The following ROBO2 variants were observed in gnomAD, a reference collection of about 807,000 sequenced individuals.
ROBO2 encodes the protein roundabout guidance receptor 2.
ROBO2 carries 53 observed loss-of-function variants against 160.8 expected under a neutral mutation model. That is an observed-to-expected ratio of 0.33 (90% CI 0.26 to 0.41). The LOEUF (loss-of-function observed/expected upper bound fraction) is 0.41. Ranked by LOEUF, ROBO2 falls within the 10% of genes least tolerant of loss-of-function variation. The probability of loss-of-function intolerance (pLI) is 1.00; values close to 1 mark genes in which losing one functional copy is unlikely to be tolerated. For synonymous variants in ROBO2, 664 were observed against 611.7 expected (o/e 1.09, Z -1.26); for missense variants, 1,577 against 1,722.4 (o/e 0.92, Z 1.49).
In ROBO2 at chr3:76,251,454, G is replaced by A. The variant is rs528344414; in HGVS notation, c.109+313852G>A. ...TAATATAAATCTACAGTTATATCCA[G>A]ATGGTGTGATGTCACAATTTGGATT... On this transcript the variant is annotated intron_variant, in intron 2 of 26. Coordinates refer to the ROBO2 transcript ENST00000487694. Among the ~76,000 whole-genome samples the A allele has an allele frequency of 5.3e-5, 8 of 152,202 alleles. No individual in the cohort carries two copies. The South Asian group carries it at 1.2e-3, about 24-fold the overall frequency.
At chr3:76,739,742 T>C (rs1447684077) in intron 2 of ROBO2, among the ~76,000 whole-genome samples, 1 of 152,182 alleles carries the variant, frequency 6.6e-6, no homozygotes, top group Non-Finnish European at 1.5e-5. Flanking sequence ...AGTTTGACTT[T>C]CATGACTTGA....
chr3:76,108,952 A>T (rs1003194805), intron 2 of ROBO2, among the ~76,000 whole-genome samples: 1 of 150,476 alleles, frequency 6.6e-6, no homozygotes, highest in African/African-American at 2.5e-5. Context: ...ATATAAGGTT[A>T]TATGATAATA....
intron 2 of ROBO2, among the ~76,000 whole-genome samples, chr3:76,555,350 T>G (rs3966897): frequency 0.92 from 131,396 of 142,226 alleles, 60,730 homozygotes; most frequent in East Asian, 0.99. Flanking sequence ...GGAGGAAGAG[T>G]AGGAAGAGAG....
chr3:76,497,836 C>T (rs936071404), intron 2 of ROBO2, among the ~76,000 whole-genome samples: 9 of 151,404 alleles, frequency 5.9e-5, no homozygotes, highest in Admixed American at 4.6e-4. Context: ...GCCAGCATTC[C>T]CAGCATTCCC....
intron 2 of ROBO2, among the ~76,000 whole-genome samples, chr3:77,352,190 A>G (rs2068443261): frequency 6.6e-6 from 1 of 151,686 alleles, no homozygotes; most frequent in Admixed American, 6.6e-5. Flanking sequence ...GCAAACCACT[A>G]CAGAAACACA....
intron 2 of ROBO2, among the ~76,000 whole-genome samples, chr3:76,398,727 A>G (rs2077631786): frequency 2.0e-5 from 3 of 151,912 alleles, no homozygotes; most frequent in South Asian, 4.1e-4. Context: ...AACTAAATAT[A>G]CTATTAAGTT....
intron 2 of ROBO2, among the ~76,000 whole-genome samples, chr3:77,111,466 ATGTT>A (rs2073568612): frequency 6.6e-6 from 1 of 152,170 alleles, no homozygotes; most frequent in South Asian, 2.1e-4. Flanking sequence ...AAGCATTTGA[ATGTT>A]TGTTTTTCTT....
chr3:76,023,915 G>A (rs1292476394), intron 2 of ROBO2, among the ~76,000 whole-genome samples: 2 of 151,282 alleles, frequency 1.3e-5, no homozygotes, highest in Non-Finnish European at 3.0e-5. Context: ...AAAAAAAGTG[G>A]AAGAGATTAG....
chr3:75,911,486 T>G (rs1242495509), intron 1 of ROBO2, among the ~76,000 whole-genome samples: 2 of 151,740 alleles, frequency 1.3e-5, no homozygotes, highest in African/African-American at 2.4e-5. Context: ...TTATTGATAT[T>G]TGCCCTAGTT....
At chr3:77,030,223 C>T (rs2063234157) in intron 2 of ROBO2, among the ~76,000 whole-genome samples, 1 of 152,190 alleles carries the variant, frequency 6.6e-6, no homozygotes, top group South Asian at 2.1e-4. Context: ...GGATTACAGG[C>T]GTAAGCCACC....
At chr3:77,050,878 C>T (rs1007442138) in intron 1 of ROBO2, among the ~76,000 whole-genome samples, 15 of 151,438 alleles carry the variant, frequency 9.9e-5, no homozygotes, top group African/African-American at 3.6e-4. Context: ...ATTAGCTGGG[C>T]ATGGTGGTGC....
At chr3:76,284,393 GA>G (rs1708403557) in intron 2 of ROBO2, among the ~76,000 whole-genome samples, 1 of 145,996 alleles carries the variant, frequency 6.8e-6, no homozygotes, top group African/African-American at 2.7e-5. Flanking sequence ...GCACTCCAGG[GA>G]GTGTGACTCC....
intron 2 of ROBO2, among the ~76,000 whole-genome samples, chr3:77,015,660 A>G (rs2062193532): frequency 6.6e-6 from 1 of 152,106 alleles, no homozygotes; most frequent in Non-Finnish European, 1.5e-5. Context: ...TCTCATACAA[A>G]CCCCAATATA....
At chr3:76,518,432 G>T (rs1055678191) in intron 2 of ROBO2, among the ~76,000 whole-genome samples, 7 of 152,120 alleles carry the variant, frequency 4.6e-5, no homozygotes, top group African/African-American at 1.2e-4. Flanking sequence ...AAAGAGGAAG[G>T]TAGGAAAGGT....
chr3:77,035,655 A>G (rs1440407838), upstream of ROBO2, among the ~76,000 whole-genome samples: 2 of 151,962 alleles, frequency 1.3e-5, no homozygotes, highest in Non-Finnish European at 2.9e-5. Context: ...TGACCACTTC[A>G]AAATGAATCG....
chr3:77,104,970 C>T (rs2072586021), intron 2 of ROBO2, among the ~76,000 whole-genome samples: 1 of 152,168 alleles, frequency 6.6e-6, no homozygotes, highest in Non-Finnish European at 1.5e-5. Flanking sequence ...TTTGAGTCTT[C>T]ACTTCATTTT....
At chr3:76,722,490 T>C (rs772281200) in intron 2 of ROBO2, among the ~76,000 whole-genome samples, 3 of 152,158 alleles carry the variant, frequency 2.0e-5, no homozygotes, top group Non-Finnish European at 2.9e-5. Context: ...CAGCTTAAAG[T>C]ACACAATTTA....
intron 2 of ROBO2, among the ~76,000 whole-genome samples, chr3:76,352,030 C>A (rs1165669700): frequency 1.3e-5 from 2 of 152,072 alleles, no homozygotes; most frequent in East Asian, 3.9e-4. Flanking sequence ...CTAACACATT[C>A]TTATGAGTGT....
At chr3:77,251,450 C>T (rs1227104806) in intron 2 of ROBO2, among the ~76,000 whole-genome samples, 1 of 152,120 alleles carries the variant, frequency 6.6e-6, no homozygotes, top group African/African-American at 2.4e-5. Context: ...TCTCTCAAAA[C>T]GTTGCTCTCA....
Sources: gnomAD v4.1 joint callset for allele counts (sites outside exome capture counted in the v4.1 genomes callset) on GRCh38, gnomAD v4.1.1 for gene constraint, MANE v1.5 for transcripts, NCBI Gene and HGNC (gene_info 2026-07-23, HGNC 2026-07-21) for gene names.